The following TPST1 variants were observed in gnomAD, a reference collection of about 807,000 sequenced individuals.
TPST1 encodes protein-tyrosine sulfotransferase 1.
In TPST1, 20 loss-of-function variants were observed where a neutral mutation model predicts 34.8. The observed-to-expected ratio is 0.57, with a 90% CI of 0.40 to 0.84. The LOEUF (loss-of-function observed/expected upper bound fraction) is 0.84. Among genes scored for constraint, TPST1 ranks in the 40% least tolerant of loss-of-function variants. TPST1 has a pLI of 0.00. For missense variants in TPST1, 353 were observed against 455.5 expected, an observed-to-expected ratio of 0.78 and a Z score of 2.05; for synonymous variants, 152 against 159.4, an observed-to-expected ratio of 0.95 and a Z score of 0.35.
At chr7:66,323,937 C>T (rs1791809609) in intron 3 of TPST1, among the ~76,000 whole-genome samples, 1 of 152,190 alleles carries the variant, frequency 6.6e-6, no homozygotes. Context: ...GATATTTGTG[C>T]ACCAGTGTTC....
Position 66,210,998 on chromosome 7 carries a change from C to T in TPST1, c.-102+5476C>T, listed in dbSNP as rs570228318. 3.3e-5 allele frequency among the ~76,000 whole-genome samples: 5 copies of T among 152,276 alleles called. No homozygotes were observed. The East Asian group carries it at 9.7e-4, about 29-fold the overall frequency. ...TGCCACACACACGCGCGCGCACACACACACACACACCAGGATAAATATTGC... is the reference window on the plus strand; with the variant it reads ...TGCCACACACACGCGCGCGCACACATACACACACACCAGGATAAATATTGC... On this transcript the variant is annotated intron_variant, in intron 1 of 5. Coordinates refer to ENST00000304842, the MANE Select transcript of TPST1 (RefSeq NM_003596.4).
At chr7:66,269,123 CG>C (rs1790648234) in intron 2 of TPST1, among the ~76,000 whole-genome samples, 1 of 152,096 alleles carries the variant, frequency 6.6e-6, no homozygotes, top group African/African-American at 2.4e-5. Flanking sequence ...AGAGATTAAA[CG>C]GTGATTAAGA....
At chr7:66,297,281 T>C (rs1429009555) in intron 3 of TPST1, among the ~76,000 whole-genome samples, 2 of 152,222 alleles carry the variant, frequency 1.3e-5, no homozygotes, top group African/African-American at 4.8e-5. Context: ...GTCTTCTGTA[T>C]GTGTCCACCG....
Position 66,286,672 on chromosome 7 carries a change from G to A in TPST1, c.1007G>A (p.Gly336Glu), listed in dbSNP as rs1791042288. 1.3e-6 allele frequency: 2 copies of A among 1,586,576 alleles called. No homozygotes were observed. The highest frequency in any genetic ancestry group is 2.7e-5 in the African/African-American group (2 of 73,602). Residue 336 changes from glycine (G) to glutamate (E), a missense_variant, in exon 3 of 6, where the codon GGA becomes GAA. Transcript: ENST00000304842. ...CCATATGCCAACCCACCTAACTACG[G>A]AAAACCTGATCCCAAAATTATTGAA... is the stretch of plus-strand genomic sequence containing the variant. ...YDPYANPPNY[G>E]KPDPKIIENT...
intron 1 of TPST1, among the ~76,000 whole-genome samples, chr7:66,213,853 T>C (rs753771159): frequency 2.6e-5 from 4 of 152,224 alleles, no homozygotes; most frequent in Non-Finnish European, 4.4e-5. Flanking sequence ...TCATTCAAAT[T>C]GTGGTTTTCC....
intron 1 of TPST1, among the ~76,000 whole-genome samples, chr7:66,228,244 T>C (rs2116328470): frequency 6.6e-6 from 1 of 152,374 alleles, no homozygotes; most frequent in Non-Finnish European, 1.5e-5. Context: ...GATTGGTGAA[T>C]ATTTTGTATC....
At position 66,318,707 on chromosome 7, in the gene TPST1, C is replaced by T. The variant is rs116750270; in HGVS notation, c.1044+31998C>T. 6.8e-3 allele frequency among the ~76,000 whole-genome samples: 1,035 copies of T among 152,146 alleles called. 14 individuals carry two copies. Among genetic ancestry groups the T allele is most frequent in the African/African-American group, 0.023 (968 of 41,498 alleles). Reference sequence around the variant, plus strand: ...GTCTCGATCTCCTGACCATGTGACTCGCCGCCTTGGCCTCTCAAAGTGCTG... The same window carrying T: ...GTCTCGATCTCCTGACCATGTGACTTGCCGCCTTGGCCTCTCAAAGTGCTG... On this transcript the variant is annotated intron_variant, in intron 3 of 5. Coordinates refer to ENST00000304842, the MANE Select transcript of TPST1 (RefSeq NM_003596.4).
upstream of TPST1, among the ~76,000 whole-genome samples, chr7:66,202,339 A>C (rs1228764830): frequency 6.6e-6 from 1 of 152,108 alleles, no homozygotes; most frequent in Non-Finnish European, 1.5e-5. Context: ...GGATCACCTG[A>C]AGCTGTCCTG....
intron 2 of TPST1, among the ~76,000 whole-genome samples, chr7:66,242,557 C>T (rs1328440408): frequency 4.6e-5 from 7 of 152,018 alleles, no homozygotes; most frequent in Non-Finnish European, 1.0e-4. Flanking sequence ...TTTATTGATT[C>T]AAAGAAAATT....
chr7:66,295,325 T>A (rs994563326), intron 3 of TPST1, among the ~76,000 whole-genome samples: 6 of 152,006 alleles, frequency 3.9e-5, no homozygotes, highest in Non-Finnish European at 8.8e-5. Flanking sequence ...CAAAACCCCA[T>A]CTCTACAAAA....
intron 2 of TPST1, among the ~76,000 whole-genome samples, chr7:66,276,410 G>A (rs138187307): frequency 2.5e-4 from 25 of 99,136 alleles, no homozygotes; most frequent in African/African-American, 1.2e-3. Context: ...GCCTCACTTT[G>A]TCTCCCAGGC....
chr7:66,225,185 G>A (rs1789628178), intron 1 of TPST1, among the ~76,000 whole-genome samples: 1 of 151,046 alleles, frequency 6.6e-6, no homozygotes. Flanking sequence ...CCAAAGTGCT[G>A]GGATTACAGG....
intron 1 of TPST1, among the ~76,000 whole-genome samples, chr7:66,235,184 A>ATT (rs767189278): frequency 0.083 from 10,756 of 129,764 alleles, 803 homozygotes; most frequent in East Asian, 0.35. Context: ...TTCTGCATAG[A>ATT]TTTTTTTTTT....
At chr7:66,201,891 A>G (rs1318629597), upstream of TPST1, among the ~76,000 whole-genome samples, 2 of 150,998 alleles carry the variant, frequency 1.3e-5, no homozygotes, top group Non-Finnish European at 2.9e-5. Context: ...TAATCCAAGC[A>G]TATAGCACAT....
intron 1 of TPST1, among the ~76,000 whole-genome samples, chr7:66,212,325 G>A (rs567592354): frequency 3.6e-4 from 55 of 152,282 alleles, no homozygotes; most frequent in African/African-American, 1.3e-3. Flanking sequence ...CCTTAAGCAA[G>A]CCCTATACCT....
chr7:66,307,595 A>G (rs1210917290), intron 3 of TPST1, among the ~76,000 whole-genome samples: 2 of 152,244 alleles, frequency 1.3e-5, no homozygotes, highest in Non-Finnish European at 2.9e-5. Flanking sequence ...GAAGCGGTCC[A>G]GTGTGATCAT....
intron 3 of TPST1, among the ~76,000 whole-genome samples, chr7:66,323,927 G>T (rs893220763): frequency 2.0e-5 from 3 of 152,232 alleles, no homozygotes; most frequent in African/African-American, 7.2e-5. Context: ...CAGGGATACA[G>T]ATATTTGTGC....
intron 2 of TPST1, among the ~76,000 whole-genome samples, chr7:66,258,517 T>A (rs1790424029): frequency 6.6e-6 from 1 of 152,218 alleles, no homozygotes; most frequent in African/African-American, 2.4e-5. Context: ...CTCTCTTATG[T>A]GTGAGCTAGA....
intron 2 of TPST1, among the ~76,000 whole-genome samples, chr7:66,268,963 C>CCTCA (rs1227845053): frequency 6.6e-6 from 1 of 152,034 alleles, no homozygotes; most frequent in African/African-American, 2.4e-5. Context: ...GGTTACAGGG[C>CCTCA]GTGAGCCACC....
Sources: allele counts gnomAD v4.1 joint callset (sites outside exome capture counted in the v4.1 genomes callset), GRCh38; gene constraint gnomAD v4.1.1; transcripts MANE v1.5; gene names NCBI Gene and HGNC (gene_info 2026-07-23, HGNC 2026-07-21).